The following UBE2E3 variants were observed in gnomAD, a reference collection of about 807,000 sequenced individuals.
The protein encoded by UBE2E3 is ubiquitin conjugating enzyme E2 E3, also known as ubiquitin-conjugating enzyme E2 E3.
Under a neutral mutation model 23.6 loss-of-function variants are expected in UBE2E3, and 5 were observed. The observed-to-expected ratio is 0.21, with a 90% CI of 0.11 to 0.44. The LOEUF (loss-of-function observed/expected upper bound fraction) is 0.44, where lower values mean the gene tolerates loss of function less well. Ranked by LOEUF, UBE2E3 falls within the 20% of genes least tolerant of loss-of-function variation. UBE2E3 has a pLI of 0.99. For missense variants in UBE2E3, 81 were observed against 249.8 expected (o/e 0.32, Z 4.55); for synonymous variants, 78 against 87.5 (o/e 0.89, Z 0.60).
At chr2:181,054,376 G>A (rs558966059) in intron 3 of UBE2E3, among the ~76,000 whole-genome samples, 1 of 151,956 alleles carries the variant, frequency 6.6e-6, no homozygotes, top group South Asian at 2.1e-4. Context: ...GAGAGTTCCT[G>A]TTACTCCACA....
chr2:180,983,876 G>T (rs1684375786), intron 2 of UBE2E3, 167 bp from the exon 3 acceptor site: 1 of 469,956 alleles, frequency 2.1e-6, no homozygotes. Flanking sequence ...TTCTGTTAAG[G>T]GATTTGGGTT....
chr2:181,035,162 T>C (rs1686228609), intron 3 of UBE2E3, among the ~76,000 whole-genome samples: 1 of 152,222 alleles, frequency 6.6e-6, no homozygotes, highest in Non-Finnish European at 1.5e-5. Context: ...TTTTAATATT[T>C]ATATGCATTC....
At chr2:180,987,509 G>A (rs2105569289) in intron 3 of UBE2E3, 3 of 1,210,844 alleles carry the variant, frequency 2.5e-6, no homozygotes, top group East Asian at 2.6e-5. Flanking sequence ...GAGATATTTG[G>A]GGGTATTTGT....
intron 3 of UBE2E3, among the ~76,000 whole-genome samples, chr2:181,028,542 C>G (rs1327486711): frequency 1.3e-5 from 2 of 152,118 alleles, no homozygotes; most frequent in African/African-American, 4.8e-5. Flanking sequence ...TCTCTTTGCG[C>G]TGCAGGTTTA....
At chr2:180,982,313 C>G in intron 2 of UBE2E3, 77 bp downstream of exon 2, 1 of 1,309,094 alleles carries the variant, frequency 7.6e-7, no homozygotes, top group Non-Finnish European at 1.1e-6. Context: ...TTGGTTTTAC[C>G]TCAATAGCAG....
intron 3 of UBE2E3, among the ~76,000 whole-genome samples, chr2:180,994,089 T>C (rs915763424): frequency 8.5e-5 from 13 of 152,212 alleles, no homozygotes; most frequent in African/African-American, 2.9e-4. Flanking sequence ...TTTTTCTTCA[T>C]TTTATGTTTA....
intron 3 of UBE2E3, among the ~76,000 whole-genome samples, chr2:181,045,028 TTG>T (rs1686628920): frequency 6.6e-6 from 1 of 152,158 alleles, no homozygotes; most frequent in East Asian, 1.9e-4. Flanking sequence ...GTAGTATACC[TTG>T]TGTTTATGCT....
At chr2:181,054,151 T>C (rs1247368039) in intron 3 of UBE2E3, among the ~76,000 whole-genome samples, 1 of 151,836 alleles carries the variant, frequency 6.6e-6, no homozygotes, top group Non-Finnish European at 1.5e-5. Context: ...CAAGCTGCTA[T>C]TCACATCTGC....
chr2:181,024,311 C>T (rs985009110), intron 3 of UBE2E3, among the ~76,000 whole-genome samples: 46 of 152,002 alleles, frequency 3.0e-4, no homozygotes, highest in African/African-American at 1.1e-3. Context: ...AACCAGATTA[C>T]GAAAAAGTAA....
chr2:181,038,999 A>G (rs1054720965), intron 3 of UBE2E3, among the ~76,000 whole-genome samples: 1 of 152,182 alleles, frequency 6.6e-6, no homozygotes, highest in Non-Finnish European at 1.5e-5. Flanking sequence ...CACTTGGGAT[A>G]ACAGTTTTGG....
chr2:181,000,210 T>TA (rs1684950097), intron 3 of UBE2E3, among the ~76,000 whole-genome samples: 6 of 152,204 alleles, frequency 3.9e-5, no homozygotes, highest in Admixed American at 3.9e-4. Flanking sequence ...AACACCTCTT[T>TA]AAAAAATCTA....
At chr2:181,025,543 T>A (rs1419421782) in intron 3 of UBE2E3, among the ~76,000 whole-genome samples, 1 of 151,910 alleles carries the variant, frequency 6.6e-6, no homozygotes, top group African/African-American at 2.4e-5. Context: ...AGAAGACTTG[T>A]CTAAGTTGTT....
chr2:180,999,362 A>G (rs1372988986), intron 3 of UBE2E3, among the ~76,000 whole-genome samples: 3 of 152,138 alleles, frequency 2.0e-5, no homozygotes, highest in Non-Finnish European at 2.9e-5. Flanking sequence ...GGTTGTTTCC[A>G]CCTTTTGGGT....
chr2:180,983,573 CT>C (rs151095014), intron 2 of UBE2E3, among the ~76,000 whole-genome samples: 29 of 151,684 alleles, frequency 1.9e-4, no homozygotes, highest in Middle Eastern at 3.4e-3. Flanking sequence ...AAATTTTAAA[CT>C]TTTTTTTTGA....
intron 3 of UBE2E3, among the ~76,000 whole-genome samples, chr2:181,032,027 T>A (rs1175669115): frequency 6.6e-6 from 1 of 152,160 alleles, no homozygotes; most frequent in Non-Finnish European, 1.5e-5. Context: ...GAAAACCAGC[T>A]TCAGGGAGGT....
chr2:181,032,071 T>C, intron 3 of UBE2E3, among the ~76,000 whole-genome samples: 1 of 152,194 alleles, frequency 6.6e-6, no homozygotes, highest in South Asian at 2.1e-4. Flanking sequence ...CCAAAAACTG[T>C]GGATAATCAC....
intron 4 of UBE2E3, among the ~76,000 whole-genome samples, chr2:181,058,335 A>C (rs1032363664): frequency 3.3e-5 from 5 of 151,776 alleles, no homozygotes; most frequent in African/African-American, 1.2e-4. Context: ...GGTATGATGT[A>C]GTAGTGGAAG....
intron 3 of UBE2E3, among the ~76,000 whole-genome samples, chr2:180,996,087 C>A (rs1684814125): frequency 6.6e-6 from 1 of 151,926 alleles, no homozygotes; most frequent in Non-Finnish European, 1.5e-5. Context: ...TTGCTGTTAT[C>A]ATCTTTATAG....
chr2:181,039,346 C>T (rs1002544174), intron 3 of UBE2E3, among the ~76,000 whole-genome samples: 5 of 151,914 alleles, frequency 3.3e-5, no homozygotes, highest in Non-Finnish European at 5.9e-5. Flanking sequence ...CAATAAATGG[C>T]TACATTGAAA....
Sources: gnomAD v4.1 joint callset for allele counts (sites outside exome capture counted in the v4.1 genomes callset) on GRCh38, gnomAD v4.1.1 for gene constraint, MANE v1.5 for transcripts, NCBI Gene and HGNC (gene_info 2026-07-23, HGNC 2026-07-21) for gene names.